Variants in HEXD observed in about 807,000 individuals in gnomAD.
The protein encoded by HEXD is hexosaminidase D.
HEXD carries 47 observed loss-of-function variants against 54.2 expected under a neutral mutation model. The ratio of observed to expected loss-of-function variants is 0.87; its 90% CI spans 0.69 to 1.11. The LOEUF (loss-of-function observed/expected upper bound fraction) is 1.11. Ranked by LOEUF, HEXD falls within the 50% of genes least tolerant of loss-of-function variation. The pLI is 0.00. For missense variants in HEXD, 576 were observed against 649.2 expected (o/e 0.89, Z 1.23); for synonymous variants, 293 against 287.6 (o/e 1.02, Z -0.19).
At chr17:82,440,912 C>A in intron 9 of HEXD, 85 bp from the exon 10 acceptor site, 1 of 1,476,974 alleles carries the variant, frequency 6.8e-7, no homozygotes, top group Non-Finnish European at 9.4e-7. Context: ...CCCACTGCCC[C>A]AGTACCTAGG....
chr17:82,440,590 C>T (rs760050169), intron 9 of HEXD: 3 of 321,338 alleles, frequency 9.3e-6, no homozygotes, highest in Non-Finnish European at 1.8e-5. Flanking sequence ...GATTCGTCCA[C>T]GCTGGTGCCT....
intron 9 of HEXD, 48 bp downstream of exon 9, chr17:82,439,761 G>A: frequency 6.3e-7 from 1 of 1,598,256 alleles, no homozygotes; most frequent in Non-Finnish European, 8.5e-7. Flanking sequence ...CTCCCCGAAA[G>A]ACCCGGAGGG....
At chr17:82,437,141 C>T in intron 7 of HEXD, 27 bp from the exon 8 acceptor site, 1 of 1,551,848 alleles carries the variant, frequency 6.4e-7, no homozygotes, top group Non-Finnish European at 8.8e-7. Context: ...CCCCTGGAGC[C>T]ACTCACCTGT....
chr17:82,440,651 G>C, intron 9 of HEXD: 1 of 373,480 alleles, frequency 2.7e-6, no homozygotes, highest in Non-Finnish European at 4.9e-6. Context: ...CATCGATTGT[G>C]TAAAACACAG....
chr17:82,422,275 A>T (rs1274828980), intron 2 of HEXD, among the ~76,000 whole-genome samples: 1 of 152,200 alleles, frequency 6.6e-6, no homozygotes, highest in East Asian at 1.9e-4. Context: ...ATAATATTTC[A>T]TAACAAGATA....
rs1432230574 is a variant in HEXD, at chr17:82,433,803, T to C, written c.428T>C (p.Leu143Pro). 2 of 1,612,856 alleles carry C rather than the reference T, an allele frequency of 1.2e-6. No individual in the cohort carries two copies. Among genetic ancestry groups the C allele is most frequent in the East Asian group, 4.5e-5 (2 of 44,798 alleles). Residue 143 changes from leucine to proline, a missense_variant, in exon 5 of 13, where the codon CTG (leucine) becomes CCG (proline). Transcript: ENST00000327949. ...GAGCTACACCCAGGCGCCCAGCGGC[T>C]GCACATCGGGTGTGATGAGGTGGGT... is the stretch of plus-strand genomic sequence containing the variant. ...VLELHPGAQR[L>P]HIGCDEVYYL...
chr17:82,440,260 C>G (rs1300190269), intron 9 of HEXD: 6 of 1,287,054 alleles, frequency 4.7e-6, no homozygotes, highest in East Asian at 1.1e-4. Context: ...GGTGCTGATG[C>G]AGAAAGAAAA....
intron 4 of HEXD, among the ~76,000 whole-genome samples, chr17:82,433,414 G>C (rs1323821465): frequency 6.6e-6 from 1 of 152,050 alleles, no homozygotes; most frequent in African/African-American, 2.4e-5. Flanking sequence ...CTGCACTCCA[G>C]CCTGGGCAAC....
intron 4 of HEXD, among the ~76,000 whole-genome samples, chr17:82,429,311 G>T (rs1473736193): frequency 6.6e-6 from 1 of 152,154 alleles, no homozygotes; most frequent in Non-Finnish European, 1.5e-5. Context: ...CAAACAGGAA[G>T]TGATGCGGCA....
intron 4 of HEXD, among the ~76,000 whole-genome samples, chr17:82,432,881 G>T (rs1401651495): frequency 6.8e-6 from 1 of 147,274 alleles, no homozygotes; most frequent in South Asian, 2.2e-4. Context: ...GGCTAACACG[G>T]TGAAACCCCG....
At chr17:82,427,976 C>T (rs1348446320) in intron 3 of HEXD, 1 of 152,176 alleles carries the variant, frequency 6.6e-6, no homozygotes, top group Non-Finnish European at 1.5e-5. Flanking sequence ...GAGTGTGGCA[C>T]CTTCTGTAGC....
intron 4 of HEXD, among the ~76,000 whole-genome samples, chr17:82,430,020 A>G (rs1320721898): frequency 6.6e-6 from 1 of 151,898 alleles, no homozygotes. Flanking sequence ...ACCACCCGCC[A>G]CGCCCTGACC....
rs12939705 is a variant in HEXD, at chr17:82,425,158, A to G, written c.194+655A>G. Among the ~76,000 whole-genome samples, 465 of 100,200 alleles carry G rather than the reference A, an allele frequency of 4.6e-3. 1 individual carries two copies. Among genetic ancestry groups the G allele is most frequent in the East Asian group, 0.012 (23 of 1,994 alleles). The allele number at this position is 100,200 out of a possible 152,430, so 65.7% of individuals were successfully genotyped here. On this transcript the variant is annotated intron_variant, in intron 3 of 12. Coordinates refer to ENST00000327949, the MANE Select transcript of HEXD (RefSeq NM_001330542.2). ...AGGCTGGAGAAGGCTGGAGGAGGCT[A>G]GAGAAGGCTGGAGGAGGCTGGAGGA...
At chr17:82,440,846 C>T in intron 9 of HEXD, 151 bp from the exon 10 acceptor site, 12 of 825,802 alleles carry the variant, frequency 1.5e-5, no homozygotes, top group Non-Finnish European at 2.4e-5. Context: ...CCCAGGTCCC[C>T]TTGGGGCCGG....
At chr17:82,420,082 G>GA in intron 2 of HEXD, 199 bp downstream of exon 2, 1 of 373,792 alleles carries the variant, frequency 2.7e-6, no homozygotes, top group Non-Finnish European at 4.7e-6. Flanking sequence ...ATGACAAAAG[G>GA]GAAAAAAAAA....
At chr17:82,440,585 G>A (rs1353307357) in intron 9 of HEXD, 23 of 318,368 alleles carry the variant, frequency 7.2e-5, no homozygotes, top group Middle Eastern at 1.1e-3. Context: ...TCGGAGATTC[G>A]TCCACGCTGG....
At chr17:82,440,571 CA>C (rs1414507467) in intron 9 of HEXD, 2 of 319,914 alleles carry the variant, frequency 6.3e-6, no homozygotes, top group Admixed American at 9.9e-5. Context: ...CCATGAACAC[CA>C]AGTCGGAGAT....
intron 4 of HEXD, among the ~76,000 whole-genome samples, chr17:82,432,420 G>T (rs761169777): frequency 6.6e-6 from 1 of 152,078 alleles, no homozygotes; most frequent in Non-Finnish European, 1.5e-5. Context: ...ACAAGGGGTG[G>T]GTTTTTAACC....
Position 82,418,570 on chromosome 17 carries a change from G to C in HEXD, c.-222G>C. The C allele has an allele frequency of 1.4e-6, 1 of 692,054 alleles. No individual in the cohort carries two copies. Among genetic ancestry groups the C allele is most frequent in the Non-Finnish European group, 2.0e-6 (1 of 499,554 alleles). The allele number at this position is 692,054 out of a possible 1,614,324, so 42.9% of individuals were successfully genotyped here. ...GTAACAGGGAGCGCGAGGCAGGCACGGCGCAGGGACGCGAGTGCGACGCGC... is the reference window on the plus strand; with the variant it reads ...GTAACAGGGAGCGCGAGGCAGGCACCGCGCAGGGACGCGAGTGCGACGCGC... On this transcript the variant is annotated 5_prime_UTR_variant, in exon 1 of 13. Coordinates refer to ENST00000327949, the MANE Select transcript of HEXD (RefSeq NM_001330542.2).
Sources: allele counts gnomAD v4.1 joint callset (sites outside exome capture counted in the v4.1 genomes callset), GRCh38; gene constraint gnomAD v4.1.1; transcripts MANE v1.5; gene names NCBI Gene and HGNC (gene_info 2026-07-23, HGNC 2026-07-21).